The following CACNA2D3 variants were observed in gnomAD, a reference collection of about 807,000 sequenced individuals.
CACNA2D3 encodes the protein calcium voltage-gated channel auxiliary subunit alpha2delta 3.
In CACNA2D3, 60 loss-of-function variants were observed where a neutral mutation model predicts 160.6. The observed-to-expected ratio is 0.37, with a 90% confidence interval of 0.30 to 0.46. The LOEUF (loss-of-function observed/expected upper bound fraction) is 0.46, where lower values mean the gene tolerates loss of function less well. Among genes scored for constraint, CACNA2D3 ranks in the 20% least tolerant of loss-of-function variants. The probability of loss-of-function intolerance (pLI) is 1.00; values close to 1 mark genes in which losing one functional copy is unlikely to be tolerated. For missense variants in CACNA2D3, 1,205 were observed against 1,365.0 expected, an observed-to-expected ratio of 0.88 and a Z score of 1.85; for synonymous variants, 558 against 492.9, an observed-to-expected ratio of 1.13 and a Z score of -1.75.
chr3:54,163,427 A>G (rs1700387433), intron 2 of CACNA2D3, among the ~76,000 whole-genome samples: 1 of 152,172 alleles, frequency 6.6e-6, no homozygotes, highest in Admixed American at 6.5e-5. Flanking sequence ...AGGACCTGCC[A>G]TTCTCTGGGA....
chr3:54,822,782 C>G (rs1486071457), intron 14 of CACNA2D3, among the ~76,000 whole-genome samples: 1 of 77,556 alleles, frequency 1.3e-5, no homozygotes, highest in Non-Finnish European at 2.5e-5. Context: ...TTCTTTCTTT[C>G]TTTCTTTCCT....
At chr3:54,278,358 TG>T (rs998907250) in intron 2 of CACNA2D3, among the ~76,000 whole-genome samples, 1 of 152,186 alleles carries the variant, frequency 6.6e-6, no homozygotes, top group Non-Finnish European at 1.5e-5. Flanking sequence ...GGAGAGGATG[TG>T]GAGAAATAGG....
chr3:54,754,316 C>T (rs945377184), intron 12 of CACNA2D3, among the ~76,000 whole-genome samples: 3 of 152,324 alleles, frequency 2.0e-5, no homozygotes, highest in Admixed American at 6.5e-5. Context: ...AGTCACTATC[C>T]ACCAACTATG....
intron 2 of CACNA2D3, among the ~76,000 whole-genome samples, chr3:54,262,604 A>AT (rs1237110619): frequency 8.8e-6 from 1 of 114,022 alleles, no homozygotes; most frequent in African/African-American, 2.9e-5. Context: ...AGAATTTTGA[A>AT]TTAAAAAAAA....
At chr3:54,523,600 G>A (rs1213352854) in intron 5 of CACNA2D3, among the ~76,000 whole-genome samples, 1 of 151,936 alleles carries the variant, frequency 6.6e-6, no homozygotes, top group Admixed American at 6.6e-5. Flanking sequence ...GTGAAGAATT[G>A]GTATTCTTTA....
chr3:54,251,081 A>G (rs1292363099), intron 2 of CACNA2D3, among the ~76,000 whole-genome samples: 1 of 152,100 alleles, frequency 6.6e-6, no homozygotes, highest in Non-Finnish European at 1.5e-5. Context: ...CTTAGGGGAG[A>G]GTGGTCAGGG....
intron 13 of CACNA2D3, among the ~76,000 whole-genome samples, chr3:54,790,630 T>G (rs1702734621): frequency 6.6e-6 from 1 of 152,192 alleles, no homozygotes; most frequent in African/African-American, 2.4e-5. Flanking sequence ...CACCTTTTCC[T>G]GTACTCCAGA....
chr3:54,137,930 G>A (rs1302863836), intron 2 of CACNA2D3, among the ~76,000 whole-genome samples: 2 of 152,234 alleles, frequency 1.3e-5, no homozygotes, highest in Non-Finnish European at 2.9e-5. Flanking sequence ...TCTGGGAGGT[G>A]CAGCATTGAT....
In CACNA2D3 at chr3:54,427,672, G is replaced by A. The variant is rs75708751; in HGVS notation, c.381+40898G>A. ...GCCATGCTCCCTGCCAGTGCGGAGCGTCTAGTCTAGTAAGCATAACTCCAG... is the reference window on the plus strand; with the variant it reads ...GCCATGCTCCCTGCCAGTGCGGAGCATCTAGTCTAGTAAGCATAACTCCAG... On this transcript the variant is annotated intron_variant, in intron 4 of 37. Coordinates refer to ENST00000474759, the MANE Select transcript of CACNA2D3 (RefSeq NM_018398.3). Among the ~76,000 whole-genome samples the A allele has an allele frequency of 6.7e-4, 102 of 152,290 alleles. No homozygotes were observed. The East Asian group carries it at 0.017, about 25-fold the overall frequency.
chr3:54,290,818 C>G (rs1377881067), intron 2 of CACNA2D3, among the ~76,000 whole-genome samples: 1 of 151,822 alleles, frequency 6.6e-6, no homozygotes, highest in African/African-American at 2.4e-5. Flanking sequence ...GATAAAAAAC[C>G]AAACACCGCA....
intron 2 of CACNA2D3, among the ~76,000 whole-genome samples, chr3:54,126,855 A>C (rs912824744): frequency 6.6e-6 from 1 of 152,222 alleles, no homozygotes; most frequent in African/African-American, 2.4e-5. Context: ...TGATATATCC[A>C]TGCCAGTCAG....
intron 10 of CACNA2D3, 150 bp downstream of exon 10, chr3:54,628,026 A>C: frequency 1.6e-6 from 1 of 633,066 alleles, no homozygotes; most frequent in Non-Finnish European, 2.8e-6. Context: ...AGGTCAGGAG[A>C]TCCAGACCAT....
At chr3:54,641,076 T>C (rs79565808) in intron 10 of CACNA2D3, among the ~76,000 whole-genome samples, 3 of 152,116 alleles carry the variant, frequency 2.0e-5, no homozygotes, top group Non-Finnish European at 4.4e-5. Flanking sequence ...GATGAAGTAT[T>C]TAAAGATATT....
intron 4 of CACNA2D3, among the ~76,000 whole-genome samples, chr3:54,405,506 A>C (rs1471162365): frequency 6.6e-6 from 1 of 152,074 alleles, no homozygotes; most frequent in African/African-American, 2.4e-5. Flanking sequence ...TGCTGGGAAA[A>C]CTGGATTTCC....
At chr3:54,301,817 T>C (rs916439721) in intron 2 of CACNA2D3, among the ~76,000 whole-genome samples, 1 of 152,204 alleles carries the variant, frequency 6.6e-6, no homozygotes, top group Non-Finnish European at 1.5e-5. Context: ...CTTGAAACTA[T>C]GTTGATTTTA....
rs759981548 is a variant in CACNA2D3 at position 54,885,339 on chromosome 3, C to G, written c.1958+13C>G. 6.2e-7 allele frequency: 1 copy of G among 1,613,824 alleles called. No homozygotes were observed. The highest frequency in any genetic ancestry group is 1.7e-5 in the Admixed American group (1 of 60,024). ...TGGCAGATGAATGGTAAGAATTAAA[C>G]CATCCCTCCTTGACCATGGCATCCT... On this transcript the variant is annotated intron_variant, in intron 22 of 37. Transcript: ENST00000474759.
At chr3:54,933,972 T>C (rs1010308113) in intron 27 of CACNA2D3, among the ~76,000 whole-genome samples, 6 of 152,148 alleles carry the variant, frequency 3.9e-5, no homozygotes, top group Non-Finnish European at 7.4e-5. Context: ...GGTTTCGTCA[T>C]GTTGGTCAGG....
chr3:54,285,707 G>A (rs1198969640), intron 2 of CACNA2D3, among the ~76,000 whole-genome samples: 1 of 152,182 alleles, frequency 6.6e-6, no homozygotes, highest in Non-Finnish European at 1.5e-5. Flanking sequence ...CACATCACAC[G>A]GCCGGGAACT....
intron 9 of CACNA2D3, 125 bp downstream of exon 9, chr3:54,582,002 T>A (rs373930360): frequency 8.8e-5 from 59 of 673,072 alleles, no homozygotes; most frequent in Middle Eastern, 6.1e-4. Flanking sequence ...GGAGCCCCCA[T>A]GTGTAGAATA....
Sources: gnomAD v4.1 joint callset for allele counts (sites outside exome capture counted in the v4.1 genomes callset) on GRCh38, gnomAD v4.1.1 for gene constraint, MANE v1.5 for transcripts, NCBI Gene and HGNC (gene_info 2026-07-23, HGNC 2026-07-21) for gene names.